SYNPR: variants seen among roughly 807,000 people sequenced by gnomAD.
SYNPR encodes synaptoporin.
SYNPR carries 23 observed loss-of-function variants against 32.9 expected under a neutral mutation model. That is an observed-to-expected ratio of 0.70 (90% CI 0.50 to 0.99). The LOEUF (loss-of-function observed/expected upper bound fraction) is 0.99, where lower values mean the gene tolerates loss of function less well. Among genes scored for constraint, SYNPR ranks in the 50% least tolerant of loss-of-function variants. The probability of loss-of-function intolerance (pLI) is 0.00; values close to 1 mark genes in which losing one functional copy is unlikely to be tolerated. For synonymous variants in SYNPR, 146 were observed against 135.9 expected (o/e 1.07, Z -0.52); for missense variants, 318 against 349.3 (o/e 0.91, Z 0.71).
At chr3:63,552,228 G>A (rs1304691550) in intron 3 of SYNPR, among the ~76,000 whole-genome samples, 1 of 152,142 alleles carries the variant, frequency 6.6e-6, no homozygotes, top group Non-Finnish European at 1.5e-5. Context: ...CTATAAAGTT[G>A]TTGAAAGTGT....
chr3:63,503,544 A>G (rs1341462020), intron 3 of SYNPR, among the ~76,000 whole-genome samples: 1 of 150,798 alleles, frequency 6.6e-6, no homozygotes, highest in African/African-American at 2.4e-5. Context: ...TTTAATCTCA[A>G]CTCTTTTTTA....
chr3:63,434,762 G>A (rs890977415), intron 2 of SYNPR, among the ~76,000 whole-genome samples: 4 of 152,202 alleles, frequency 2.6e-5, no homozygotes, highest in Non-Finnish European at 5.9e-5. Flanking sequence ...TTTGCTGATA[G>A]AGCTCTCCCT....
At chr3:63,284,597 G>T (rs955881883) in intron 2 of SYNPR, among the ~76,000 whole-genome samples, 4 of 152,122 alleles carry the variant, frequency 2.6e-5, no homozygotes, top group Admixed American at 2.0e-4. Flanking sequence ...TGAGGTATAG[G>T]TCTACTTGAT....
At chr3:63,355,276 CA>C (rs34592172) in intron 2 of SYNPR, among the ~76,000 whole-genome samples, 6,165 of 93,648 alleles carry the variant, frequency 0.066, 225 homozygotes, top group African/African-American at 0.14. Context: ...GAGACCCTGT[CA>C]AAAAAAAAAA....
chr3:63,553,607 C>A (rs141761438), intron 3 of SYNPR, among the ~76,000 whole-genome samples: 2 of 152,156 alleles, frequency 1.3e-5, no homozygotes, highest in African/African-American at 4.8e-5. Context: ...AGAATAGCCA[C>A]CCTGACTGGT....
At chr3:63,517,930 T>C (rs1238447011) in intron 3 of SYNPR, among the ~76,000 whole-genome samples, 1 of 152,148 alleles carries the variant, frequency 6.6e-6, no homozygotes, top group Non-Finnish European at 1.5e-5. Context: ...TAGCATAGTA[T>C]GGCAAGGGCA....
At chr3:63,556,041 T>C (rs1272456210) in intron 3 of SYNPR, among the ~76,000 whole-genome samples, 1 of 151,740 alleles carries the variant, frequency 6.6e-6, no homozygotes, top group African/African-American at 2.4e-5. Context: ...GGGGGCAGAG[T>C]GATTTAGGAA....
rs370750313 is a variant in SYNPR at position 63,470,088 on chromosome 3, G to A, written c.85-10744G>A. ...CAATAATGCAAAAATAACTAAAACCGAGATTCTGACTCTAACTTCTACTCC... is the reference window on the plus strand; with the variant it reads ...CAATAATGCAAAAATAACTAAAACCAAGATTCTGACTCTAACTTCTACTCC... On this transcript the variant is annotated intron_variant, in intron 2 of 5. Coordinates refer to ENST00000478300, the MANE Select transcript of SYNPR (RefSeq NM_001130003.2). Among the ~76,000 whole-genome samples the A allele has an allele frequency of 5.8e-4, 88 of 152,226 alleles. 1 individual carries two copies. Among genetic ancestry groups the A allele is most frequent in the African/African-American group, 2.1e-3 (86 of 41,554 alleles).
At chr3:63,536,485 T>G (rs745491104) in intron 3 of SYNPR, among the ~76,000 whole-genome samples, 1 of 152,156 alleles carries the variant, frequency 6.6e-6, no homozygotes, top group Non-Finnish European at 1.5e-5. Flanking sequence ...GTGGAAAAAC[T>G]GAATTTCTCT....
At chr3:63,533,822 G>C (rs13059982) in intron 3 of SYNPR, among the ~76,000 whole-genome samples, 1 of 152,062 alleles carries the variant, frequency 6.6e-6, no homozygotes, top group Admixed American at 6.6e-5. Flanking sequence ...CTATCGAATA[G>C]ACCCTTCCAT....
chr3:63,260,673 T>A (rs564978158), intron 2 of SYNPR, among the ~76,000 whole-genome samples: 2 of 152,252 alleles, frequency 1.3e-5, no homozygotes, highest in Non-Finnish European at 2.9e-5. Flanking sequence ...AAAGACTTCA[T>A]GTCTAAAACA....
At chr3:63,519,748 A>G (rs1476954635) in intron 3 of SYNPR, among the ~76,000 whole-genome samples, 2 of 152,222 alleles carry the variant, frequency 1.3e-5, no homozygotes, top group African/African-American at 4.8e-5. Context: ...ATGCTCAATT[A>G]ATATGTATAA....
intron 2 of SYNPR, among the ~76,000 whole-genome samples, chr3:63,287,026 A>C (rs1163052583): frequency 1.3e-5 from 2 of 152,186 alleles, no homozygotes; most frequent in Non-Finnish European, 2.9e-5. Context: ...CTAAGGAACT[A>C]AGTCCTTCCA....
At chr3:63,247,959 T>A (rs1166707149) in intron 1 of SYNPR, among the ~76,000 whole-genome samples, 1 of 152,114 alleles carries the variant, frequency 6.6e-6, no homozygotes, top group Admixed American at 6.6e-5. Flanking sequence ...TTCCTTGGTG[T>A]TTGAATTATT....
chr3:63,390,995 A>G (rs2088126144), intron 2 of SYNPR, among the ~76,000 whole-genome samples: 1 of 152,252 alleles, frequency 6.6e-6, no homozygotes, highest in Non-Finnish European at 1.5e-5. Context: ...GCAGGGCCGT[A>G]GTAAGTCCTC....
chr3:63,529,590 A>G (rs1460253301), intron 3 of SYNPR, among the ~76,000 whole-genome samples: 1 of 152,256 alleles, frequency 6.6e-6, no homozygotes, highest in Non-Finnish European at 1.5e-5. Context: ...AGATATGCAA[A>G]TTCCAACTGG....
At chr3:63,588,090 G>A (rs1031765383) in intron 4 of SYNPR, among the ~76,000 whole-genome samples, 1 of 151,968 alleles carries the variant, frequency 6.6e-6, no homozygotes, top group African/African-American at 2.4e-5. Flanking sequence ...GCCATTGTAT[G>A]GAGAAAAAAA....
intron 3 of SYNPR, among the ~76,000 whole-genome samples, chr3:63,515,186 G>A (rs2106761256): frequency 6.6e-6 from 1 of 151,670 alleles, no homozygotes; most frequent in East Asian, 1.9e-4. Flanking sequence ...TATGCTTTTT[G>A]CTTTCAGCCT....
intron 2 of SYNPR, among the ~76,000 whole-genome samples, chr3:63,266,681 T>G (rs2086487416): frequency 8.1e-6 from 1 of 123,236 alleles, no homozygotes; most frequent in Non-Finnish European, 1.6e-5. Context: ...CACTCCAGCC[T>G]GGGCGACAAG....
Sources: allele counts gnomAD v4.1 joint callset (sites outside exome capture counted in the v4.1 genomes callset), GRCh38; gene constraint gnomAD v4.1.1; transcripts MANE v1.5; gene names NCBI Gene and HGNC (gene_info 2026-07-23, HGNC 2026-07-21).